Variants in RBFOX1 observed in about 807,000 individuals in gnomAD.
The protein encoded by RBFOX1 is RNA binding protein fox-1 homolog 1.
RBFOX1 carries 8 observed loss-of-function variants against 57.7 expected under a neutral mutation model. That is an observed-to-expected ratio of 0.14 (90% CI 0.08 to 0.25). The LOEUF (loss-of-function observed/expected upper bound fraction) is 0.25, where lower values mean the gene tolerates loss of function less well. RBFOX1 is among the 10% of genes least tolerant of loss of function. The pLI, the probability that RBFOX1 is intolerant of heterozygous loss-of-function variation, is 1.00. For synonymous variants in RBFOX1, 326 were observed against 222.4 expected, an observed-to-expected ratio of 1.47 and a Z score of -4.15; for missense variants, 611 against 548.5, an observed-to-expected ratio of 1.11 and a Z score of -1.14.
intron 1 of RBFOX1, among the ~76,000 whole-genome samples, chr16:6,067,125 G>T (rs1194591816): frequency 2.0e-5 from 3 of 152,284 alleles, no homozygotes; most frequent in Non-Finnish European, 4.4e-5. Flanking sequence ...GATTGAGTGT[G>T]TCATAAATTT....
At chr16:5,702,014 A>G (rs1054722998) in intron 3 of RBFOX1, among the ~76,000 whole-genome samples, 7 of 152,180 alleles carry the variant, frequency 4.6e-5, no homozygotes, top group African/African-American at 1.2e-4. Flanking sequence ...TAAGAGCTCA[A>G]TAGACACGTG....
At chr16:6,402,957 C>G (rs1027224565) in intron 2 of RBFOX1, among the ~76,000 whole-genome samples, 9 of 152,134 alleles carry the variant, frequency 5.9e-5, no homozygotes, top group Non-Finnish European at 5.9e-5. Context: ...TAATACATCA[C>G]ATTTTAAAAC....
intron 3 of RBFOX1, among the ~76,000 whole-genome samples, chr16:6,790,871 G>T (rs1283264280): frequency 6.6e-6 from 1 of 151,782 alleles, no homozygotes. Flanking sequence ...CCAAATTATG[G>T]TAAAGGATGG....
chr16:6,652,151 C>G (rs531945029), intron 2 of RBFOX1, among the ~76,000 whole-genome samples: 1 of 151,996 alleles, frequency 6.6e-6, no homozygotes. Flanking sequence ...GGATTGGTGG[C>G]CTTAAAAGAA....
intron 1 of RBFOX1, among the ~76,000 whole-genome samples, chr16:6,246,341 GC>G (rs1362880964): frequency 4.6e-5 from 7 of 152,154 alleles, no homozygotes; most frequent in African/African-American, 1.4e-4. Flanking sequence ...CCTCCAAGTA[GC>G]CAAGGAAGAG....
chr16:6,847,864 G>C (rs1326598602), intron 3 of RBFOX1, among the ~76,000 whole-genome samples: 1 of 151,968 alleles, frequency 6.6e-6, no homozygotes, highest in Non-Finnish European at 1.5e-5. Context: ...TTGAAATGGA[G>C]TCTTGGTCTG....
intron 3 of RBFOX1, among the ~76,000 whole-genome samples, chr16:6,866,541 A>T (rs373418297): frequency 0.01 from 815 of 78,612 alleles, 7 homozygotes; most frequent in East Asian, 0.013. Flanking sequence ...CTTTCCTTCT[A>T]TTTTTTTTTT....
At chr16:6,944,981 C>T (rs1268343753) in intron 3 of RBFOX1, among the ~76,000 whole-genome samples, 1 of 152,070 alleles carries the variant, frequency 6.6e-6, no homozygotes. Context: ...CTTTGCTCCT[C>T]CTGGGTGAAA....
chr16:5,273,640 T>C (rs891516941), intron 1 of RBFOX1, among the ~76,000 whole-genome samples: 1 of 152,032 alleles, frequency 6.6e-6, no homozygotes. Context: ...GAAGCCAAGA[T>C]GAAGAGAAGG....
At chr16:6,810,265 T>C (rs1177727887) in intron 3 of RBFOX1, among the ~76,000 whole-genome samples, 1 of 152,160 alleles carries the variant, frequency 6.6e-6, no homozygotes, top group East Asian at 1.9e-4. Flanking sequence ...TTACCACATT[T>C]TGTGATTCAA....
chr16:5,770,235 T>TA (rs2053932078), intron 3 of RBFOX1, among the ~76,000 whole-genome samples: 2 of 152,132 alleles, frequency 1.3e-5, no homozygotes, highest in African/African-American at 4.8e-5. Context: ...ACCCCGCTGA[T>TA]AAAAATAGAA....
Position 6,623,230 on chromosome 16 carries a change from TG to T in RBFOX1, c.-63-31370del, listed in dbSNP as rs371078155. 6.3e-3 allele frequency among the ~76,000 whole-genome samples: 961 copies of T among 152,228 alleles called. 3 individuals carry two copies. Among genetic ancestry groups the T allele is most frequent in the Non-Finnish European group, 0.011 (726 of 68,004 alleles). ...TTAGGTTAGTCAATTTGAGATTATC[TG>T]GGAGGGGGCTGCTTTTGTGCACAAG... On this transcript the variant is annotated intron_variant, in intron 2 of 15. Transcript: ENST00000550418.
intron 2 of RBFOX1, among the ~76,000 whole-genome samples, chr16:6,588,546 G>A (rs2097663857): frequency 6.6e-6 from 1 of 152,044 alleles, no homozygotes; most frequent in Admixed American, 6.6e-5. Flanking sequence ...CAGCTACTCT[G>A]GAGGCTGAGG....
At chr16:6,790,494 G>A (rs1005150713) in intron 3 of RBFOX1, among the ~76,000 whole-genome samples, 2 of 152,016 alleles carry the variant, frequency 1.3e-5, no homozygotes, top group East Asian at 1.9e-4. Context: ...GCCCTCCATC[G>A]TTCTTTTTGT....
At chr16:6,664,614 C>G (rs900192612) in intron 3 of RBFOX1, among the ~76,000 whole-genome samples, 2 of 152,080 alleles carry the variant, frequency 1.3e-5, no homozygotes, top group African/African-American at 2.4e-5. Flanking sequence ...CAGTGAGATT[C>G]GACATCATTT....
intron 4 of RBFOX1, among the ~76,000 whole-genome samples, chr16:7,054,146 C>T (rs906336599): frequency 4.6e-5 from 6 of 130,130 alleles, no homozygotes; most frequent in Non-Finnish European, 9.2e-5. Context: ...CCTTTCACAC[C>T]TGTGTCTGTA....
At chr16:6,412,179 T>C (rs185445372) in intron 2 of RBFOX1, among the ~76,000 whole-genome samples, 18 of 151,100 alleles carry the variant, frequency 1.2e-4, no homozygotes, top group African/African-American at 4.4e-4. Context: ...AACATGGCCC[T>C]TTCACAGTAG....
intron 3 of RBFOX1, among the ~76,000 whole-genome samples, chr16:6,859,482 G>C (rs537458881): frequency 2.0e-5 from 3 of 151,978 alleles, no homozygotes; most frequent in East Asian, 1.9e-4. Context: ...GCTCACTCTT[G>C]TTCAAGTCTA....
At chr16:7,593,371 C>CT (rs1467180972) in intron 7 of RBFOX1, among the ~76,000 whole-genome samples, 4 of 152,126 alleles carry the variant, frequency 2.6e-5, no homozygotes, top group African/African-American at 9.7e-5. Flanking sequence ...TAAATTCTCT[C>CT]TTTTTTCCCT....
Sources: allele counts gnomAD v4.1 joint callset (sites outside exome capture counted in the v4.1 genomes callset), GRCh38; gene constraint gnomAD v4.1.1; transcripts MANE v1.5; gene names NCBI Gene and HGNC (gene_info 2026-07-23, HGNC 2026-07-21).